The following ZNF93 variants were observed in gnomAD, a reference collection of about 807,000 sequenced individuals.
The protein encoded by ZNF93 is zinc finger protein 93.
In ZNF93, 29 loss-of-function variants were observed where a neutral mutation model predicts 45.0. The observed-to-expected ratio is 0.64, with a 90% confidence interval of 0.48 to 0.88. ZNF93 has a LOEUF of 0.88. Among genes scored for constraint, ZNF93 ranks in the 40% least tolerant of loss-of-function variants. The pLI, the probability that ZNF93 is intolerant of heterozygous loss-of-function variation, is 0.00. For synonymous variants in ZNF93, 223 were observed against 244.6 expected (o/e 0.91, Z 0.82); for missense variants, 578 against 724.0 (o/e 0.80, Z 2.31).
At chr19:19,932,383 T>C (rs1400975067) in intron 3 of ZNF93, 1 of 152,374 alleles carries the variant, frequency 6.6e-6, no homozygotes, top group Admixed American at 6.5e-5. Context: ...ATTTTGTGGT[T>C]CTTTTCAAAC....
Position 19,934,308 on chromosome 19 carries a change from A to G in ZNF93, c.1353A>G (p.Lys451=). 1 of 1,613,050 alleles carries G rather than the reference A, an allele frequency of 6.2e-7. No individual in the cohort carries two copies. Among genetic ancestry groups the G allele is most frequent in the Non-Finnish European group, 8.5e-7 (1 of 1,179,916 alleles). The part of the protein sequence containing the change: ...SKHEIIHTGK[K]PYKCEECGKA... ...ATGAGATCATTCATACTGGAAAGAA[A>G]CCCTACAAGTGTGAAGAATGTGGCA... is the stretch of plus-strand genomic sequence containing the variant. Residue 451 remains lysine (K), a synonymous_variant, in exon 4 of 4, where the codon AAA becomes AAG. Transcript: ENST00000343769.
At chr19:19,924,548 A>G (rs2122186650) in intron 3 of ZNF93, among the ~76,000 whole-genome samples, 1 of 151,308 alleles carries the variant, frequency 6.6e-6, no homozygotes, top group Non-Finnish European at 1.5e-5. Flanking sequence ...TTTTTGAAGC[A>G]TTTCCTCAGG....
At chr19:19,922,303 C>T (rs1001542828) in intron 3 of ZNF93, among the ~76,000 whole-genome samples, 7 of 152,168 alleles carry the variant, frequency 4.6e-5, no homozygotes, top group Admixed American at 2.0e-4. Context: ...GAGTTTCTGC[C>T]GAGAGGTCAG....
chr19:19,906,050 A>G (rs540780422), intron 1 of ZNF93, among the ~76,000 whole-genome samples: 1 of 152,288 alleles, frequency 6.6e-6, no homozygotes, highest in African/African-American at 2.4e-5. Flanking sequence ...ATACCCAATT[A>G]TAAGGTTTCT....
chr19:19,921,415 T>G (rs1233618917), intron 3 of ZNF93, among the ~76,000 whole-genome samples: 1 of 152,220 alleles, frequency 6.6e-6, no homozygotes, highest in Non-Finnish European at 1.5e-5. Context: ...GAATGTATAT[T>G]CTGTTGATTT....
Position 19,935,083 on chromosome 19 carries a change from A to T in ZNF93, c.*265A>T. On this transcript the variant is annotated 3_prime_UTR_variant, in exon 4 of 4. Transcript: ENST00000343769. ...ACAGCTTAAGGTCAGTTCTGCCTAT[A>T]TAGAAACCCACACAGTTAACCTGAG... 1 of 436,952 alleles carries T rather than the reference A, an allele frequency of 2.3e-6. No individual in the cohort carries two copies. The highest frequency in any genetic ancestry group is 4.0e-6 in the Non-Finnish European group (1 of 247,020). 27.1% of individuals were successfully genotyped at this position (436,952 alleles called of 1,614,324 possible).
chr19:19,917,054 T>A (rs1229383448), intron 3 of ZNF93, among the ~76,000 whole-genome samples: 1 of 152,164 alleles, frequency 6.6e-6, no homozygotes, highest in African/African-American at 2.4e-5. Flanking sequence ...TGTGTGAGAG[T>A]AGTTTCTGTT....
intron 3 of ZNF93, among the ~76,000 whole-genome samples, chr19:19,929,937 CAAAAAAAAAAAAA>C (rs71172547): frequency 6.9e-5 from 4 of 57,686 alleles, no homozygotes; most frequent in Non-Finnish European, 9.2e-5. Flanking sequence ...GACTCCGTCT[CAAAAAAAAAAAAA>C]AAAAAAAAAA....
chr19:19,921,389 A>G (rs1277907734), intron 3 of ZNF93, among the ~76,000 whole-genome samples: 3 of 152,028 alleles, frequency 2.0e-5, no homozygotes, highest in Non-Finnish European at 4.4e-5. Flanking sequence ...GAATAAGTGC[A>G]GTGTGGTGCT....
At chr19:19,903,733 C>T (rs1393620794) in intron 1 of ZNF93, among the ~76,000 whole-genome samples, 2 of 151,708 alleles carry the variant, frequency 1.3e-5, no homozygotes, top group Non-Finnish European at 2.9e-5. Context: ...CCACAGCACT[C>T]CAGCTTGGCG....
chr19:19,909,055 A>T (rs893392141), intron 1 of ZNF93: 1 of 152,080 alleles, frequency 6.6e-6, no homozygotes, highest in African/African-American at 2.4e-5. Flanking sequence ...ATAAGTAGAA[A>T]CTGAGGCTGA....
At chr19:19,928,532 T>G (rs1364811164) in intron 3 of ZNF93, among the ~76,000 whole-genome samples, 3 of 91,096 alleles carry the variant, frequency 3.3e-5, no homozygotes, top group African/African-American at 2.6e-4. Flanking sequence ...TTAAATTGAT[T>G]TGTTGTTGTT....
At chr19:19,922,303 C>CGA (rs1599570988) in intron 3 of ZNF93, among the ~76,000 whole-genome samples, 1 of 152,168 alleles carries the variant, frequency 6.6e-6, no homozygotes, top group East Asian at 1.9e-4. Flanking sequence ...GAGTTTCTGC[C>CGA]GAGAGGTCAG....
chr19:19,902,098 T>TTTA (rs1000564559), intron 1 of ZNF93, among the ~76,000 whole-genome samples: 2 of 151,766 alleles, frequency 1.3e-5, no homozygotes, highest in African/African-American at 2.4e-5. Context: ...AAAAAAAAAA[T>TTTA]AGACATCTTA....
At chr19:19,911,247 A>G (rs73530957) in intron 1 of ZNF93, among the ~76,000 whole-genome samples, 11,875 of 152,224 alleles carry the variant, frequency 0.078, 979 homozygotes, top group African/African-American at 0.21. Flanking sequence ...CTGGCTTATC[A>G]TTGGGCCATG....
intron 3 of ZNF93, among the ~76,000 whole-genome samples, chr19:19,925,847 T>C (rs2122188274): frequency 6.6e-6 from 1 of 152,304 alleles, no homozygotes; most frequent in East Asian, 1.9e-4. Context: ...TCTTTGCTTC[T>C]AAAATTGGAT....
chr19:19,933,076 A>G (rs772953446), intron 3 of ZNF93, 106 bp from the exon 4 acceptor site: 5 of 886,276 alleles, frequency 5.6e-6, no homozygotes, highest in African/African-American at 1.7e-5. Context: ...GTATTTTACT[A>G]TGTCATCTTA....
At chr19:19,931,295 T>G (rs2063373571) in intron 3 of ZNF93, among the ~76,000 whole-genome samples, 2 of 151,924 alleles carry the variant, frequency 1.3e-5, no homozygotes. Flanking sequence ...TTTCAAGTGA[T>G]TCTCCTGCCT....
intron 1 of ZNF93, chr19:19,908,677 T>C (rs545631141): frequency 4.6e-5 from 7 of 152,036 alleles, no homozygotes; most frequent in African/African-American, 1.4e-4. Flanking sequence ...ACCCCTTCTT[T>C]ACTAAAAATA....
Sources: allele counts gnomAD v4.1 joint callset (sites outside exome capture counted in the v4.1 genomes callset), GRCh38; gene constraint gnomAD v4.1.1; transcripts MANE v1.5; gene names NCBI Gene and HGNC (gene_info 2026-07-23, HGNC 2026-07-21).